Variants in DSCAM observed in about 807,000 individuals in gnomAD.
DSCAM encodes the protein cell adhesion molecule DSCAM.
Under a neutral mutation model 217.7 loss-of-function variants are expected in DSCAM, and 47 were observed. The observed-to-expected ratio is 0.22, with a 90% CI of 0.17 to 0.28. DSCAM has a LOEUF of 0.28. Among genes scored for constraint, DSCAM ranks in the 10% least tolerant of loss-of-function variants. DSCAM has a pLI of 1.00. For synonymous variants in DSCAM, 1,056 were observed against 1,015.3 expected, an observed-to-expected ratio of 1.04 and a Z score of -0.76; for missense variants, 2,080 against 2,618.3, an observed-to-expected ratio of 0.79 and a Z score of 4.49.
rs1398057806 is a variant in DSCAM at position 40,686,366 on chromosome 21, ACAC to A, written c.508+6441_508+6443del. 4.0e-5 allele frequency among the ~76,000 whole-genome samples: 6 copies of A among 151,210 alleles called. No individual in the cohort carries two copies. In the South Asian group the frequency reaches 1.3e-3, roughly 32 times the overall value. On this transcript the variant is annotated intron_variant, in intron 3 of 32. Transcript: ENST00000400454. ...CCCACATGCCACACACACACCACAC[ACAC>A]TACACACACATACAAACACACATCA...
intron 11 of DSCAM, among the ~76,000 whole-genome samples, chr21:40,268,957 G>A (rs887366891): frequency 3.9e-5 from 6 of 152,142 alleles, no homozygotes; most frequent in Admixed American, 1.3e-4. Flanking sequence ...ATCCTCCCAC[G>A]GAGCTGTTCT....
chr21:40,299,015 C>T (rs920065453), intron 9 of DSCAM, among the ~76,000 whole-genome samples: 3 of 151,846 alleles, frequency 2.0e-5, no homozygotes, highest in African/African-American at 7.3e-5. Flanking sequence ...TGTTTCTGAC[C>T]CTGGTAGGAG....
At chr21:40,089,937 T>C (rs568135565) in intron 21 of DSCAM, among the ~76,000 whole-genome samples, 2 of 152,176 alleles carry the variant, frequency 1.3e-5, no homozygotes, top group African/African-American at 2.4e-5. Flanking sequence ...TCAACCTCAA[T>C]TGAACTGTCA....
At chr21:40,615,394 TA>T (rs2061040677) in intron 3 of DSCAM, 2 of 152,054 alleles carry the variant, frequency 1.3e-5, no homozygotes, top group South Asian at 4.2e-4. Context: ...TTATCAGCTT[TA>T]TTTTTTTTTA....
chr21:40,334,060 G>A lies in DSCAM; in HGVS notation c.1783+4041C>T, dbSNP rs557172979. Among the ~76,000 whole-genome samples, 10 of 152,256 alleles carry A rather than the reference G, an allele frequency of 6.6e-5. No homozygotes were observed. In the East Asian group the frequency reaches 1.7e-3, roughly 27 times the overall value. ...CAGACTTTATTTTCAGATATTTGGT[G>A]AAGGGTTCTAATGTGAGCCTGACTG... On this transcript the variant is annotated intron_variant, in intron 8 of 32. Transcript: ENST00000400454.
intron 14 of DSCAM, among the ~76,000 whole-genome samples, chr21:40,183,464 C>T (rs933678125): frequency 3.3e-5 from 5 of 152,126 alleles, no homozygotes; most frequent in Non-Finnish European, 7.3e-5. Flanking sequence ...CTGGGCATGA[C>T]CAGAGTTAGG....
chr21:40,305,934 T>C (rs1367973817), intron 9 of DSCAM, among the ~76,000 whole-genome samples: 1 of 152,202 alleles, frequency 6.6e-6, no homozygotes, highest in East Asian at 1.9e-4. Context: ...GGCTCTTTTT[T>C]TGTGCCACAT....
intron 4 of DSCAM, among the ~76,000 whole-genome samples, chr21:40,354,531 C>G (rs1012082043): frequency 6.6e-6 from 1 of 151,936 alleles, no homozygotes; most frequent in Non-Finnish European, 1.5e-5. Flanking sequence ...CCACACCCAG[C>G]CTAAATAAAT....
chr21:40,538,103 CCACT>C (rs1354443631), intron 3 of DSCAM, among the ~76,000 whole-genome samples: 1 of 152,086 alleles, frequency 6.6e-6, no homozygotes, highest in Non-Finnish European at 1.5e-5. Context: ...AGAGCAGGGG[CCACT>C]CAGTTGGGTA....
chr21:40,266,649 A>ATATATATATATT (rs1416976058), intron 11 of DSCAM, among the ~76,000 whole-genome samples: 41 of 122,778 alleles, frequency 3.3e-4, no homozygotes, highest in African/African-American at 1.3e-3. Context: ...ATATATATAT[A>ATATATATATATT]TATATATATA....
intron 19 of DSCAM, among the ~76,000 whole-genome samples, chr21:40,127,851 C>G (rs193026265): frequency 3.3e-5 from 5 of 152,268 alleles, no homozygotes; most frequent in Non-Finnish European, 7.4e-5. Flanking sequence ...TCTGATGGTG[C>G]TCCCCAACAC....
intron 3 of DSCAM, among the ~76,000 whole-genome samples, chr21:40,571,944 G>A (rs756164538): frequency 1.3e-5 from 2 of 152,150 alleles, no homozygotes; most frequent in Non-Finnish European, 1.5e-5. Context: ...ATCCTCATTG[G>A]AGAATTGCAC....
chr21:40,514,010 G>C (rs2076280308), intron 3 of DSCAM, among the ~76,000 whole-genome samples: 1 of 152,170 alleles, frequency 6.6e-6, no homozygotes, highest in Non-Finnish European at 1.5e-5. Context: ...TGCAGTGACA[G>C]ATTGCATACA....
intron 3 of DSCAM, among the ~76,000 whole-genome samples, chr21:40,534,950 G>C (rs2076483736): frequency 6.6e-6 from 1 of 152,054 alleles, no homozygotes; most frequent in South Asian, 2.1e-4. Context: ...AAAATAGGGG[G>C]TTCCAGCTTG....
At chr21:40,527,784 G>C (rs1216148731) in intron 3 of DSCAM, among the ~76,000 whole-genome samples, 1 of 152,172 alleles carries the variant, frequency 6.6e-6, no homozygotes, top group Non-Finnish European at 1.5e-5. Context: ...CATTGCTACT[G>C]GTGCAAAGGA....
chr21:40,572,430 A>G (rs2076815523), intron 3 of DSCAM, among the ~76,000 whole-genome samples: 2 of 152,204 alleles, frequency 1.3e-5, no homozygotes, highest in Non-Finnish European at 2.9e-5. Flanking sequence ...ATACAATTGT[A>G]TTGATAATTA....
intron 16 of DSCAM, among the ~76,000 whole-genome samples, chr21:40,146,358 A>G (rs917657908): frequency 6.6e-6 from 1 of 152,146 alleles, no homozygotes; most frequent in African/African-American, 2.4e-5. Context: ...GCGGTAAGTC[A>G]GGAGGGAACG....
At chr21:40,231,013 T>C (rs1569012879) in intron 11 of DSCAM, among the ~76,000 whole-genome samples, 1 of 151,700 alleles carries the variant, frequency 6.6e-6, no homozygotes, top group Non-Finnish European at 1.5e-5. Flanking sequence ...GATTATGCTT[T>C]TTTTTTTTTT....
chr21:40,754,274 A>G (rs1019561250), intron 1 of DSCAM, among the ~76,000 whole-genome samples: 1 of 152,140 alleles, frequency 6.6e-6, no homozygotes, highest in Non-Finnish European at 1.5e-5. Context: ...TCTGCTAATC[A>G]TCACTCCCCT....
Sources: gnomAD v4.1 joint callset for allele counts (sites outside exome capture counted in the v4.1 genomes callset) on GRCh38, gnomAD v4.1.1 for gene constraint, MANE v1.5 for transcripts, NCBI Gene and HGNC (gene_info 2026-07-23, HGNC 2026-07-21) for gene names.